AFF3: variants seen among roughly 807,000 people sequenced by gnomAD.
AFF3 encodes the protein ALF transcription elongation factor 3, also known as AF4/FMR2 family member 3.
A neutral mutation model predicts 129.7 loss-of-function variants in AFF3; 32 were observed. The observed-to-expected ratio is 0.25, with a 90% confidence interval of 0.19 to 0.33. The LOEUF is 0.33. Ranked by LOEUF, AFF3 falls within the 10% of genes least tolerant of loss-of-function variation. The pLI, the probability that AFF3 is intolerant of heterozygous loss-of-function variation, is 1.00. For synonymous variants in AFF3, 644 were observed against 635.4 expected (o/e 1.01, Z -0.20); for missense variants, 1,373 against 1,592.0 (o/e 0.86, Z 2.34).
At chr2:100,026,865 G>C (rs531721249) in intron 4 of AFF3, among the ~76,000 whole-genome samples, 1 of 151,792 alleles carries the variant, frequency 6.6e-6, no homozygotes, top group East Asian at 1.9e-4. Flanking sequence ...TCACAGATAT[G>C]TGGGAGCTAA....
chr2:100,032,631 C>T (rs1025572777), intron 4 of AFF3, among the ~76,000 whole-genome samples: 3 of 152,104 alleles, frequency 2.0e-5, no homozygotes, highest in Non-Finnish European at 1.5e-5. Flanking sequence ...ATATCTAGTA[C>T]AATTTTTTTC....
chr2:100,094,016 T>G (rs1354296126), intron 4 of AFF3, among the ~76,000 whole-genome samples: 1 of 152,140 alleles, frequency 6.6e-6, no homozygotes, highest in African/African-American at 2.4e-5. Flanking sequence ...TTGCCATCTA[T>G]TTCCTCGAGA....
intron 10 of AFF3, among the ~76,000 whole-genome samples, chr2:99,731,695 T>C (rs1003234571): frequency 1.3e-5 from 2 of 152,228 alleles, no homozygotes; most frequent in African/African-American, 4.8e-5. Context: ...ATTTGCAATA[T>C]TGTGACAATA....
chr2:100,077,248 C>T (rs759196760), intron 4 of AFF3, among the ~76,000 whole-genome samples: 33 of 152,014 alleles, frequency 2.2e-4, no homozygotes, highest in Non-Finnish European at 3.7e-4. Flanking sequence ...CTGTCTCAAA[C>T]GAAAATAAAA....
chr2:99,582,265 G>A (rs1439600025), intron 17 of AFF3, among the ~76,000 whole-genome samples: 1 of 152,204 alleles, frequency 6.6e-6, no homozygotes, highest in African/African-American at 2.4e-5. Flanking sequence ...CTGCAGCTAA[G>A]AGGTGAGGTC....
intron 13 of AFF3, among the ~76,000 whole-genome samples, chr2:99,626,735 C>T (rs1418390862): frequency 1.3e-5 from 2 of 152,166 alleles, no homozygotes; most frequent in Non-Finnish European, 2.9e-5. Context: ...TCCCAGCCTC[C>T]ATCAACTGAC....
At chr2:99,730,741 C>T (rs1447982636) in intron 10 of AFF3, among the ~76,000 whole-genome samples, 1 of 151,964 alleles carries the variant, frequency 6.6e-6, no homozygotes, top group East Asian at 1.9e-4. Flanking sequence ...TCTCCAACTC[C>T]TGACCTTGTG....
intron 2 of AFF3, chr2:100,110,315 A>G (rs923355005): frequency 6.6e-6 from 1 of 152,176 alleles, no homozygotes; most frequent in Non-Finnish European, 1.5e-5. Flanking sequence ...GTCTGCTTCA[A>G]ACAGGAGTGC....
chr2:99,835,528 A>G (rs1199785144), intron 8 of AFF3, among the ~76,000 whole-genome samples: 3 of 150,710 alleles, frequency 2.0e-5, no homozygotes, highest in Non-Finnish European at 4.4e-5. Context: ...CACTGGGAAC[A>G]CTAATGCGAT....
At chr2:99,920,066 T>C (rs573042100) in intron 7 of AFF3, among the ~76,000 whole-genome samples, 40 of 152,174 alleles carry the variant, frequency 2.6e-4, no homozygotes, top group African/African-American at 9.4e-4. Context: ...GAAATTGAAT[T>C]TGAAATTAAA....
intron 3 of AFF3, chr2:100,105,148 GCCCGCCCGCGCCCGGC>G (rs969523028): frequency 8.3e-6 from 2 of 239,920 alleles, no homozygotes; most frequent in African/African-American, 4.7e-5. Flanking sequence ...TCCCTCGGCC[GCCCGCCCGCGCCCGGC>G]CCCGCCCGGC....
intron 17 of AFF3, among the ~76,000 whole-genome samples, chr2:99,579,026 C>T (rs1677259150): frequency 6.6e-6 from 1 of 152,212 alleles, no homozygotes; most frequent in African/African-American, 2.4e-5. Context: ...AACAGTCAAC[C>T]AGTCACTCAT....
At position 100,128,235 on chromosome 2, in the gene AFF3, G is replaced by A. The variant is rs189755485; in HGVS notation, c.-145+989C>T. ...AGTAGCCATTCGTTTATTCCTTCACGTTTTTAATAAACTTGTTTTCACTTG... is the reference window on the plus strand; with the variant it reads ...AGTAGCCATTCGTTTATTCCTTCACATTTTTAATAAACTTGTTTTCACTTG... On this transcript the variant is annotated intron_variant, in intron 2 of 24. Transcript: ENST00000672756. Among the ~76,000 whole-genome samples, 19 of 152,290 alleles carry A rather than the reference G, an allele frequency of 1.2e-4. No homozygotes were observed. The East Asian group carries it at 2.7e-3, about 22-fold the overall frequency.
intron 13 of AFF3, among the ~76,000 whole-genome samples, chr2:99,641,149 C>T (rs1333659792): frequency 6.6e-6 from 1 of 152,216 alleles, no homozygotes; most frequent in African/African-American, 2.4e-5. Flanking sequence ...CCACATGACA[C>T]CTCATATGTG....
intron 1 of AFF3, among the ~76,000 whole-genome samples, chr2:100,135,522 C>T (rs1348801373): frequency 1.3e-5 from 2 of 152,134 alleles, no homozygotes; most frequent in Non-Finnish European, 2.9e-5. Context: ...TGAGATGCCA[C>T]ATGAAGAGAG....
At chr2:99,995,473 C>A (rs569889510) in intron 7 of AFF3, among the ~76,000 whole-genome samples, 1 of 151,808 alleles carries the variant, frequency 6.6e-6, no homozygotes, top group African/African-American at 2.4e-5. Flanking sequence ...CCCGGGTTCA[C>A]GCCATTCTCC....
At chr2:99,975,645 G>T (rs939609371) in intron 7 of AFF3, among the ~76,000 whole-genome samples, 11 of 151,776 alleles carry the variant, frequency 7.2e-5, no homozygotes, top group Admixed American at 6.6e-4. Flanking sequence ...TACTGCACCA[G>T]TGTTTGGAGC....
intron 15 of AFF3, among the ~76,000 whole-genome samples, chr2:99,592,718 G>A (rs1161787104): frequency 6.6e-6 from 1 of 152,208 alleles, no homozygotes; most frequent in African/African-American, 2.4e-5. Context: ...CAGATCACTT[G>A]AGGTCAGGAG....
At position 99,675,090 on chromosome 2, in the gene AFF3, A is replaced by T. The variant is rs183780054; in HGVS notation, c.1092-2501T>A. Among the ~76,000 whole-genome samples the T allele has an allele frequency of 1.1e-4, 17 of 152,334 alleles. No homozygotes were observed. The East Asian group carries it at 2.5e-3, about 22-fold the overall frequency. ...TCATCATCATTTCCAGAAGAAAAGCAGTCAGAGTTCAACCTTGCTTTGTGA... is the reference window on the plus strand; with the variant it reads ...TCATCATCATTTCCAGAAGAAAAGCTGTCAGAGTTCAACCTTGCTTTGTGA... On this transcript the variant is annotated intron_variant, in intron 11 of 24. Transcript: ENST00000672756.
Sources: gnomAD v4.1 joint callset for allele counts (sites outside exome capture counted in the v4.1 genomes callset) on GRCh38, gnomAD v4.1.1 for gene constraint, MANE v1.5 for transcripts, NCBI Gene and HGNC (gene_info 2026-07-23, HGNC 2026-07-21) for gene names.